The following CHD8 variants were observed in gnomAD, a reference collection of about 807,000 sequenced individuals.
CHD8 encodes the protein ATP-dependent chromatin remodeler CHD8.
A neutral mutation model predicts 279.2 loss-of-function variants in CHD8; 31 were observed. That is an observed-to-expected ratio of 0.11 (90% CI 0.08 to 0.15). CHD8 has a LOEUF of 0.15. Ranked by LOEUF, CHD8 falls within the 10% of genes least tolerant of loss-of-function variation. The pLI, the probability that CHD8 is intolerant of heterozygous loss-of-function variation, is 1.00. For missense variants in CHD8, 2,146 were observed against 3,230.5 expected, an observed-to-expected ratio of 0.66 and a Z score of 8.14; for synonymous variants, 1,081 against 1,139.6, an observed-to-expected ratio of 0.95 and a Z score of 1.04.
At position 21,402,983 on chromosome 14, in the gene CHD8, G is replaced by A. The variant is rs1007538580; in HGVS notation, c.3714+34C>T. On this transcript the variant is annotated intron_variant, in intron 18 of 37. Coordinates refer to ENST00000646647, the MANE Select transcript of CHD8 (RefSeq NM_001170629.2). This position sits in a 1 kb window ranked among gnomAD's most constrained non-coding sequence, Gnocchi z 4.5. ...TCTTGTTGAAAAATCTCCCAAGTTAGGTAGTTAGTCCCTAAGACAATGAAT... is the reference window on the plus strand; with the variant it reads ...TCTTGTTGAAAAATCTCCCAAGTTAAGTAGTTAGTCCCTAAGACAATGAAT... 6.5e-7 allele frequency: 1 copy of A among 1,532,074 alleles called. No homozygotes were observed. Among genetic ancestry groups the A allele is most frequent in the Non-Finnish European group, 9.0e-7 (1 of 1,116,780 alleles). 94.9% of individuals were successfully genotyped at this position (1,532,074 alleles called of 1,614,324 possible).
intron 5 of CHD8, among the ~76,000 whole-genome samples, chr14:21,418,881 G>A (rs1459422944): frequency 6.6e-6 from 1 of 152,230 alleles, no homozygotes; most frequent in East Asian, 1.9e-4. Flanking sequence ...GTAAGAGAGA[G>A]CAGAACAGCA....
At position 21,415,610 on chromosome 14, in the gene CHD8, T is replaced by C. The variant is rs1888688685; in HGVS notation, c.1932A>G (p.Val644=). Residue 644 remains valine (V), a synonymous_variant, in exon 7 of 38, where the codon GTA becomes GTG. Transcript: ENST00000646647. ...ENPSEEDAAI[V]DKVLSMRIVK... is the part of the protein sequence containing the mutation. ...CAATCCGCATAGAAAGCACTTTGTC[T>C]ACAATGGCTGCATCTTCTTCACTGG... is the stretch of plus-strand genomic sequence containing the variant. 6.2e-7 allele frequency: 1 copy of C among 1,603,000 alleles called. No homozygotes were observed. Among genetic ancestry groups the C allele is most frequent in the South Asian group, 1.1e-5 (1 of 88,914 alleles).
rs748372483 is a variant in CHD8, at chr14:21,386,720, CCA to C, written c.7183-546_7183-545del. ...GGCAAGGTGGCGGGCGCCTGTAGTC[CCA>C]CAGCTACTCGGGAGGCTGAGGCAGG... On this transcript the variant is annotated intron_variant, in intron 37 of 37. Coordinates refer to ENST00000646647, the MANE Select transcript of CHD8 (RefSeq NM_001170629.2). Among the ~76,000 whole-genome samples, 318 of 152,028 alleles carry C rather than the reference CCA, an allele frequency of 2.1e-3. 1 individual carries two copies. Among genetic ancestry groups the C allele is most frequent in the African/African-American group, 6.7e-3 (276 of 41,466 alleles).
intron 5 of CHD8, among the ~76,000 whole-genome samples, chr14:21,423,549 G>A (rs1889152190): frequency 6.6e-6 from 1 of 151,760 alleles, no homozygotes; most frequent in South Asian, 2.1e-4. Flanking sequence ...GGAGTCAGGG[G>A]GTGCAGTAAC....
At chr14:21,441,475 A>G (rs1020047788) in intron 1 of CHD8, among the ~76,000 whole-genome samples, 1 of 152,248 alleles carries the variant, frequency 6.6e-6, no homozygotes, top group Non-Finnish European at 1.5e-5. Flanking sequence ...CCTTTTGCTA[A>G]GATCAAGTTT....
At chr14:21,388,394 A>G (rs1336981227) in intron 37 of CHD8, among the ~76,000 whole-genome samples, 5 of 152,264 alleles carry the variant, frequency 3.3e-5, no homozygotes, top group African/African-American at 1.2e-4. Context: ...CTATTTACAT[A>G]GTATTTATAT....
chr14:21,416,511 A>G (rs1888730955), intron 5 of CHD8: 1 of 152,266 alleles, frequency 6.6e-6, no homozygotes, highest in South Asian at 2.1e-4. Context: ...TATGCCTGTA[A>G]TACCAGCACT....
intron 1 of CHD8, among the ~76,000 whole-genome samples, chr14:21,454,162 A>AAAAAGAAAAGAAAGG (rs1890324361): frequency 7.9e-6 from 1 of 127,016 alleles, no homozygotes; most frequent in Admixed American, 8.7e-5. Flanking sequence ...CGTCTCAAAA[A>AAAAAGAAAAGAAAGG]AAAAGAAAAG....
chr14:21,385,372 G>C lies in CHD8; in HGVS notation c.*241C>G. On this transcript the variant is annotated 3_prime_UTR_variant, in exon 38 of 38. Transcript: ENST00000646647. ...AGGGGTGAGCACACCAGCTGCTCTA[G>C]TCTCCTTTCCTTCCCCAGAAATGAG... 1.7e-6 allele frequency: 1 copy of C among 595,852 alleles called. No individual in the cohort carries two copies. The highest frequency in any genetic ancestry group is 2.8e-6 in the Non-Finnish European group (1 of 356,964). 36.9% of individuals were successfully genotyped at this position (595,852 alleles called of 1,614,324 possible).
In CHD8 at chr14:21,400,399, G is replaced by A. The variant is rs537282522; in HGVS notation, c.4570+14C>T. Reference sequence around the variant, plus strand: ...AACCTATAGAAAAACATAAAGTAAAGAGTTGATAATTACCTGAATGATTCT... The same window carrying A: ...AACCTATAGAAAAACATAAAGTAAAAAGTTGATAATTACCTGAATGATTCT... On this transcript the variant is annotated intron_variant, in intron 23 of 37. Transcript: ENST00000646647. The surrounding 1 kb of genome is among the most constrained non-coding windows in gnomAD (Gnocchi z 4.2). The A allele has an allele frequency of 3.7e-5, 59 of 1,599,112 alleles. 1 individual carries two copies. In the South Asian group the frequency reaches 5.8e-4, roughly 16 times the overall value.
chr14:21,393,883 C>CAGGAAAAA lies in CHD8; in HGVS notation c.5911_5912insTTTTTCCT (p.Gly1971ValfsTer55). On this transcript the variant is annotated frameshift_variant, in exon 32 of 38. Transcript: ENST00000646647. LOFTEE classifies it high-confidence loss of function. ...GCGTGACAAGGATGGAGCTGGTGCT[C>CAGGAAAAA]CTGCTTGATGGTTCTGCATATAATT... The CAGGAAAAA allele has an allele frequency of 6.2e-7, 1 of 1,614,006 alleles. No homozygotes were observed. Among genetic ancestry groups the CAGGAAAAA allele is most frequent in the Non-Finnish European group, 8.5e-7 (1 of 1,179,888 alleles).
chr14:21,406,117 C>G (rs558450651), intron 14 of CHD8, among the ~76,000 whole-genome samples: 1 of 152,210 alleles, frequency 6.6e-6, no homozygotes, highest in East Asian at 1.9e-4. Context: ...AATTAAAAAA[C>G]AGTAATTCTG....
intron 1 of CHD8, chr14:21,437,218 T>TG (rs1272605799): frequency 8.4e-7 from 1 of 1,184,542 alleles, no homozygotes; most frequent in East Asian, 6.0e-5. Flanking sequence ...GGGGGCCGGT[T>TG]CGCCCCTCTC....
chr14:21,443,112 C>T (rs10138947), intron 1 of CHD8, among the ~76,000 whole-genome samples: 143 of 152,314 alleles, frequency 9.4e-4, no homozygotes, highest in African/African-American at 3.2e-3. Context: ...CTTAGCTGGG[C>T]TGGGCTCAGT....
At chr14:21,414,227 T>G in intron 9 of CHD8, 74 bp downstream of exon 9, 1 of 797,586 alleles carries the variant, frequency 1.3e-6, no homozygotes, top group Non-Finnish European at 2.1e-6. Flanking sequence ...TTTTGAAGAA[T>G]CAGCCAAGGC....
chr14:21,392,917 G>A, intron 33 of CHD8, 108 bp from the exon 34 acceptor site: 1 of 1,285,222 alleles, frequency 7.8e-7, no homozygotes, highest in Admixed American at 2.2e-5. Context: ...AAATCATAAG[G>A]CAGAAAAGAG....
At chr14:21,431,936 T>C (rs1161038535) in intron 1 of CHD8, 78 bp from the exon 2 acceptor site, 1 of 854,458 alleles carries the variant, frequency 1.2e-6, no homozygotes, top group African/African-American at 1.7e-5. Context: ...TCTTACGTAC[T>C]GTTCTTAATA....
chr14:21,402,177 A>G lies in CHD8; in HGVS notation c.3883-41T>C, dbSNP rs779035159. 6.6e-7 allele frequency: 1 copy of G among 1,509,412 alleles called. No individual in the cohort carries two copies. Among genetic ancestry groups the G allele is most frequent in the South Asian group, 1.2e-5 (1 of 82,304 alleles). The allele number at this position is 1,509,412 out of a possible 1,614,324, so 93.5% of individuals were successfully genotyped here. On this transcript the variant is annotated intron_variant, in intron 19 of 37. Transcript: ENST00000646647. The surrounding 1 kb of genome is among the most constrained non-coding windows in gnomAD (Gnocchi z 4.5). ...GAAAGATGAAAAGACTATCAAGAGA[A>G]TAATATCTAACCATGCCATAATATT...
At chr14:21,445,650 C>G (rs377689141) in intron 1 of CHD8, among the ~76,000 whole-genome samples, 1 of 137,346 alleles carries the variant, frequency 7.3e-6, no homozygotes, top group East Asian at 2.1e-4. Context: ...AATCGTGCCA[C>G]TGCACTCCAG....
Sources: gnomAD v4.1 joint callset for allele counts (sites outside exome capture counted in the v4.1 genomes callset) on GRCh38, gnomAD v4.1.1 for gene constraint, Gnocchi (gnomAD v3.1) non-coding constraint, MANE v1.5 for transcripts, NCBI Gene and HGNC (gene_info 2026-07-23, HGNC 2026-07-21) for gene names.